Variants in ZNF264 observed in about 807,000 individuals in gnomAD.
ZNF264 encodes zinc finger protein 264.
Under a neutral mutation model 11.2 loss-of-function variants are expected in ZNF264, and 11 were observed. The observed-to-expected ratio is 0.98, with a 90% CI of 0.62 to 1.63. ZNF264 has a LOEUF of 1.63. ZNF264 is among the 40% of genes most tolerant of loss of function. The pLI is 0.00. For missense variants in ZNF264, 752 were observed against 768.1 expected, an observed-to-expected ratio of 0.98 and a Z score of 0.25; for synonymous variants, 309 against 279.8, an observed-to-expected ratio of 1.10 and a Z score of -1.04.
Position 57,206,250 on chromosome 19 carries a change from C to CT in ZNF264, c.256+769dup, listed in dbSNP as rs558527339. On this transcript the variant is annotated intron_variant, in intron 3 of 3. Transcript: ENST00000263095. ...GTTCCTGAAAAGTGTTATTAGAAATCTTTTTTTTTTTGAGACGGAGTCTCG... is the reference window on the plus strand; with the variant it reads ...GTTCCTGAAAAGTGTTATTAGAAATCTTTTTTTTTTTTGAGACGGAGTCTCG... 9.3e-3 allele frequency among the ~76,000 whole-genome samples: 1,376 copies of CT among 147,340 alleles called. 21 individuals carry two copies. The highest frequency in any genetic ancestry group is 0.031 in the African/African-American group (1,254 of 40,316).
chr19:57,209,824 C>A (rs2087321056), intron 3 of ZNF264, among the ~76,000 whole-genome samples: 1 of 152,020 alleles, frequency 6.6e-6, no homozygotes, highest in African/African-American at 2.4e-5. Flanking sequence ...TCTAAAACTT[C>A]TGGGCTCGAG....
In ZNF264 at chr19:57,191,532, G is replaced by A. The variant is rs953057611; in HGVS notation, c.-382G>A. 4.4e-6 allele frequency: 1 copy of A among 225,850 alleles called. No homozygotes were observed. The highest frequency in any genetic ancestry group is 5.8e-5 in the Admixed American group (1 of 17,318). 14.0% of individuals were successfully genotyped at this position (225,850 alleles called of 1,614,324 possible). A position where few individuals can be genotyped will look rare whatever the true frequency, so the allele number is the denominator to read the frequency against. ...TCTGCACTTCTGTCTGGAGAGGTCT[G>A]TAGCCACTGAGGGCCCCGGTCGGGG... On this transcript the variant is annotated 5_prime_UTR_variant, in exon 1 of 4. Transcript: ENST00000263095.
intron 1 of ZNF264, chr19:57,193,589 C>A (rs2087190698): frequency 1.0e-6 from 1 of 969,666 alleles, no homozygotes; most frequent in Admixed American, 6.2e-5. Flanking sequence ...TCCCCATTTC[C>A]CTGTCGTTTT....
chr19:57,220,106 T>G lies in ZNF264; in HGVS notation c.*7125T>G, dbSNP rs191927829. 5 of 152,374 alleles carry G rather than the reference T, an allele frequency of 3.3e-5. No individual in the cohort carries two copies. The East Asian group carries it at 9.6e-4, about 29-fold the overall frequency. 9.4% of individuals were successfully genotyped at this position (152,374 alleles called of 1,614,324 possible). A position where few individuals can be genotyped will look rare whatever the true frequency, so the allele number is the denominator to read the frequency against. ...GAATTTGCCCAAGGTTACACAGTTA[T>G]GAAGTTTGGATTTAGGAATGGGAGG... On this transcript the variant is annotated 3_prime_UTR_variant, in exon 4 of 4. Coordinates refer to ENST00000263095, the MANE Select transcript of ZNF264 (RefSeq NM_003417.5).
chr19:57,192,180 C>T (rs936904027), intron 1 of ZNF264, among the ~76,000 whole-genome samples: 6 of 152,092 alleles, frequency 3.9e-5, no homozygotes, highest in African/African-American at 1.2e-4. Flanking sequence ...CTCCCATCAT[C>T]CTTGGCCTGC....
chr19:57,219,046 T>A lies in ZNF264; in HGVS notation c.*6065T>A, dbSNP rs1046814899. The A allele has an allele frequency of 6.6e-6, 1 of 152,174 alleles. No homozygotes were observed. The highest frequency in any genetic ancestry group is 2.4e-5 in the African/African-American group (1 of 41,426). 9.4% of individuals were successfully genotyped at this position (152,174 alleles called of 1,614,324 possible). On this transcript the variant is annotated 3_prime_UTR_variant, in exon 4 of 4. Coordinates refer to ENST00000263095, the MANE Select transcript of ZNF264 (RefSeq NM_003417.5). Reference sequence around the variant, plus strand: ...TTACAACTGAGAGTGATCTGCAGATTTTTCAGAGTCATGTTCTCCATGGAA... The same window carrying A: ...TTACAACTGAGAGTGATCTGCAGATATTTCAGAGTCATGTTCTCCATGGAA...
Position 57,210,459 on chromosome 19 carries a change from T to C in ZNF264, c.257-895T>C, listed in dbSNP as rs78495702. Reference sequence around the variant, plus strand: ...TTTATTACAGACAAAGGGAACAAATTAGAAGTGACACAGAATGTTGGGTTG... The same window carrying C: ...TTTATTACAGACAAAGGGAACAAATCAGAAGTGACACAGAATGTTGGGTTG... On this transcript the variant is annotated intron_variant, in intron 3 of 3. Coordinates refer to ENST00000263095, the MANE Select transcript of ZNF264 (RefSeq NM_003417.5). Among the ~76,000 whole-genome samples the C allele has an allele frequency of 7.7e-3, 1,173 of 152,278 alleles. 14 individuals carry two copies. The highest frequency in any genetic ancestry group is 0.026 in the African/African-American group (1,087 of 41,566).
At position 57,212,052 on chromosome 19, in the gene ZNF264, GA is replaced by G; in HGVS notation, c.957del (p.Glu319AspfsTer68). ...TGGAGAAAAATCCTTTGTGTGCACA[GA>G]ATGTGGCCAAGTCTTTCGACATAGG... ...HTGEKSFVCTECGQVFRHRPG... is the reference protein window; with the variant it reads ...HTGEKSFVCTXCGQVFRHRPG... On this transcript the variant is annotated frameshift_variant, in exon 4 of 4. Transcript: ENST00000263095. LOFTEE classifies it low-confidence loss of function (END_TRUNC). 1 of 1,614,148 alleles carries G rather than the reference GA, an allele frequency of 6.2e-7. No individual in the cohort carries two copies. Among genetic ancestry groups the G allele is most frequent in the Non-Finnish European group, 8.5e-7 (1 of 1,180,026 alleles).
intron 1 of ZNF264, chr19:57,193,486 A>G: frequency 4.1e-6 from 4 of 985,442 alleles, no homozygotes; most frequent in Non-Finnish European, 4.8e-6. Context: ...GTGTTTACAC[A>G]GGATGTGAAG....
At position 57,212,633 on chromosome 19, in the gene ZNF264, A is replaced by G; in HGVS notation, c.1536A>G (p.Glu512=). ...KRIHSGEKPY[E]CVECGKSFCW... ...TTCATAGTGGAGAGAAGCCCTATGA[A>G]TGTGTTGAGTGTGGGAAATCGTTTT... Residue 512 remains glutamate (E), a synonymous_variant, in exon 4 of 4, where the codon GAA becomes GAG. Coordinates refer to ENST00000263095, the MANE Select transcript of ZNF264 (RefSeq NM_003417.5). 6.2e-7 allele frequency: 1 copy of G among 1,613,808 alleles called. No homozygotes were observed. Among genetic ancestry groups the G allele is most frequent in the Non-Finnish European group, 8.5e-7 (1 of 1,179,970 alleles).
chr19:57,212,039 C>G lies in ZNF264; in HGVS notation c.942C>G (p.Ser314=), dbSNP rs189907852. ...ACAGGAGACACACTGGAGAAAAATC[C>G]TTTGTGTGCACAGAATGTGGCCAAG... ...LHNRRHTGEK[S]FVCTECGQVF... The change falls in exon 4 of 4, where the codon TCC becomes TCG. Residue 314 remains serine (S), a synonymous_variant. Coordinates refer to ENST00000263095, the MANE Select transcript of ZNF264 (RefSeq NM_003417.5). The G allele has an allele frequency of 9.3e-4, 1,506 of 1,613,326 alleles. 20 individuals carry two copies. Among genetic ancestry groups the G allele is most frequent in the Non-Finnish European group, 3.4e-4 (402 of 1,179,780 alleles).
chr19:57,215,010 G>A lies in ZNF264; in HGVS notation c.*2029G>A, dbSNP rs1404462596. The stretch of plus-strand genomic sequence containing the variant: ...CCTCTAATTTATTGGCTAATAATGT[G>A]TAGTTCTTTTTTCTTTTGTTTCTTA... On this transcript the variant is annotated 3_prime_UTR_variant, in exon 4 of 4. Transcript: ENST00000263095. 2.0e-5 allele frequency: 3 copies of A among 152,138 alleles called. No homozygotes were observed. Among genetic ancestry groups the A allele is most frequent in the Non-Finnish European group, 4.4e-5 (3 of 68,008 alleles). 9.4% of individuals were successfully genotyped at this position (152,138 alleles called of 1,614,324 possible).
At chr19:57,193,255 T>G (rs545749243) in intron 1 of ZNF264, among the ~76,000 whole-genome samples, 1 of 152,302 alleles carries the variant, frequency 6.6e-6, no homozygotes, top group Admixed American at 6.5e-5. Context: ...TCATTGACTG[T>G]GAAGGTGATG....
chr19:57,199,803 G>A (rs2087237726), intron 2 of ZNF264, among the ~76,000 whole-genome samples: 1 of 151,822 alleles, frequency 6.6e-6, no homozygotes, highest in Admixed American at 6.6e-5. Context: ...GGTGTTGAGG[G>A]TGCTAGAGGA....
At chr19:57,205,656 C>T (rs2087286950) in intron 3 of ZNF264, among the ~76,000 whole-genome samples, 164 bp downstream of exon 3, 1 of 152,152 alleles carries the variant, frequency 6.6e-6, no homozygotes. Flanking sequence ...GCCATGGAGC[C>T]CTTTGACCTG....
intron 1 of ZNF264, chr19:57,193,543 A>T (rs1370519581): frequency 4.1e-6 from 4 of 985,174 alleles, no homozygotes; most frequent in Non-Finnish European, 4.8e-6. Context: ...AGACTCAGGT[A>T]CTGCCGTTGT....
chr19:57,202,651 G>A (rs1050163113), intron 2 of ZNF264, among the ~76,000 whole-genome samples: 1 of 151,850 alleles, frequency 6.6e-6, no homozygotes, highest in South Asian at 2.1e-4. Flanking sequence ...GAGCTTCCAG[G>A]TGGTCCCCCC....
chr19:57,194,265 G>C (rs2087196353), intron 2 of ZNF264: 1 of 477,198 alleles, frequency 2.1e-6, no homozygotes, highest in South Asian at 4.9e-5. Flanking sequence ...GTAATTTTCA[G>C]CTGTGCCTCA....
chr19:57,192,293 G>C (rs2087179633), intron 1 of ZNF264: 1 of 974,456 alleles, frequency 1.0e-6, no homozygotes, highest in Non-Finnish European at 1.2e-6. Context: ...CGCGAGCAGA[G>C]ACAAGGTATG....
Sources: gnomAD v4.1 joint callset for allele counts (sites outside exome capture counted in the v4.1 genomes callset) on GRCh38, gnomAD v4.1.1 for gene constraint, MANE v1.5 for transcripts, NCBI Gene and HGNC (gene_info 2026-07-23, HGNC 2026-07-21) for gene names.